The following SPIRE2 variants were observed in gnomAD, a reference collection of about 807,000 sequenced individuals.
SPIRE2 encodes the protein spire type actin nucleation factor 2.
In SPIRE2, 76 loss-of-function variants were observed where a neutral mutation model predicts 80.7. That is an observed-to-expected ratio of 0.94 (90% confidence interval 0.78 to 1.14). SPIRE2 has a LOEUF of 1.14. Ranked by LOEUF, SPIRE2 falls within the 50% of genes most tolerant of loss-of-function variation. The probability of loss-of-function intolerance (pLI) is 0.00; values close to 1 mark genes in which losing one functional copy is unlikely to be tolerated. For missense variants in SPIRE2, 1,196 were observed against 1,015.3 expected, an observed-to-expected ratio of 1.18 and a Z score of -2.42; for synonymous variants, 535 against 432.6, an observed-to-expected ratio of 1.24 and a Z score of -2.94.
intron 6 of SPIRE2, 71 bp downstream of exon 6, chr16:89,855,757 G>GT (rs1346728559): frequency 4.7e-6 from 7 of 1,480,918 alleles, no homozygotes; most frequent in Non-Finnish European, 3.7e-6. Flanking sequence ...AGCCTGGGAG[G>GT]TGTCCCAGCA....
intron 1 of SPIRE2, among the ~76,000 whole-genome samples, chr16:89,831,642 C>T (rs937500329): frequency 4.6e-5 from 7 of 151,078 alleles, no homozygotes; most frequent in African/African-American, 1.7e-4. Context: ...CATGATCCGC[C>T]CACCTCGGCC....
Position 89,863,565 on chromosome 16 carries a change from G to A in SPIRE2, c.1665G>A (p.Lys555=). 6.2e-7 allele frequency: 1 copy of A among 1,614,126 alleles called. No homozygotes were observed. Among genetic ancestry groups the A allele is most frequent in the Non-Finnish European group, 8.5e-7 (1 of 1,180,038 alleles). ...RRVLVKAEME[K]FLQNKELFSS... ...TGCTGGTGAAGGCCGAGATGGAAAA[G>A]TTTTTGCAGAACAAGGAGCTCTTCA... is the stretch of plus-strand genomic sequence containing the variant. Residue 555 remains lysine, a synonymous_variant, in exon 11 of 15, where the codon AAG becomes AAA. Transcript: ENST00000378247. The surrounding 1 kb of genome is among the most constrained non-coding windows in gnomAD (Gnocchi z 4.3).
At chr16:89,865,456 T>C (rs1310779665) in intron 12 of SPIRE2, among the ~76,000 whole-genome samples, 3 of 151,708 alleles carry the variant, frequency 2.0e-5, no homozygotes, top group African/African-American at 7.3e-5. Context: ...ACCACTAAAA[T>C]AAAACAGTTA....
intron 3 of SPIRE2, among the ~76,000 whole-genome samples, chr16:89,853,042 C>T (rs1333283497): frequency 1.3e-5 from 2 of 152,096 alleles, no homozygotes; most frequent in African/African-American, 4.8e-5. Context: ...TCCGTCCTCT[C>T]TCTCAGCTCC....
In SPIRE2 at chr16:89,828,590, G is replaced by A. The variant is rs571363661; in HGVS notation, c.40G>A (p.Ala14Thr). ...CAGCTGCGGCGGCGCCGCGGCGGGC[G>A]CAGGGCGGCCGGAGCCCTGGGAGCT... is the stretch of plus-strand genomic sequence containing the variant. ...AGSCGGAAAG[A>T]GRPEPWELSL... is the part of the protein sequence containing the mutation. The change falls in exon 1 of 15, where the codon GCA becomes ACA. Residue 14 changes from alanine to threonine, a missense_variant. Physicochemically the swap from Ala to Thr is moderately conservative, Grantham distance 58. Coordinates refer to ENST00000378247, the MANE Select transcript of SPIRE2 (RefSeq NM_032451.2). This position sits in a 1 kb window ranked among gnomAD's most constrained non-coding sequence, Gnocchi z 5.9. The A allele has an allele frequency of 2.5e-3, 2,988 of 1,196,630 alleles. 126 individuals carry two copies. The East Asian group carries it at 0.092, about 37-fold the overall frequency. The allele number at this position is 1,196,630 out of a possible 1,614,324, so 74.1% of individuals were successfully genotyped here.
intron 2 of SPIRE2, among the ~76,000 whole-genome samples, chr16:89,848,712 A>G (rs111602514): frequency 0.017 from 1,070 of 62,396 alleles, 2 homozygotes; most frequent in Middle Eastern, 0.045. Flanking sequence ...CAGTGTTTCT[A>G]CAGGACAGAC....
At chr16:89,832,797 C>T (rs2041399082) in intron 1 of SPIRE2, among the ~76,000 whole-genome samples, 1 of 151,970 alleles carries the variant, frequency 6.6e-6, no homozygotes, top group Non-Finnish European at 1.5e-5. Flanking sequence ...TTGTTTGCTC[C>T]TCTGATGAAG....
rs758728851 is a variant in SPIRE2 at position 89,869,550 on chromosome 16, C to T, written c.1807-17C>T. 2 of 1,558,290 alleles carry T rather than the reference C, an allele frequency of 1.3e-6. No homozygotes were observed. Among genetic ancestry groups the T allele is most frequent in the Non-Finnish European group, 1.8e-6 (2 of 1,129,770 alleles). On this transcript the variant is annotated splice_polypyrimidine_tract_variant and intron_variant, in intron 13 of 14. Transcript: ENST00000378247. The stretch of plus-strand genomic sequence containing the variant: ...TCTGGTGGTGCCTGGTTCATACCTC[C>T]TCCCTCTGTGCTGCAGATGAAGATG...
chr16:89,850,202 T>C (rs1426925069), intron 2 of SPIRE2, 102 bp from the exon 3 acceptor site: 2 of 931,342 alleles, frequency 2.1e-6, no homozygotes, highest in Non-Finnish European at 3.4e-6. Context: ...CGACAGCTGC[T>C]GTCTCCCTGG....
chr16:89,842,229 T>C (rs113830739), intron 1 of SPIRE2, among the ~76,000 whole-genome samples: 33 of 137,476 alleles, frequency 2.4e-4, no homozygotes, highest in African/African-American at 9.4e-4. Flanking sequence ...TTTTTTTTTT[T>C]TGTGACGGAG....
chr16:89,855,990 G>C, intron 6 of SPIRE2, 123 bp from the exon 7 acceptor site: 1 of 1,477,192 alleles, frequency 6.8e-7, no homozygotes, highest in Non-Finnish European at 9.0e-7. Flanking sequence ...AGGCTCTTCC[G>C]ACTCCAGAGT....
At chr16:89,855,507 C>A in intron 5 of SPIRE2, 93 bp from the exon 6 acceptor site, 1 of 1,144,374 alleles carries the variant, frequency 8.7e-7, no homozygotes, top group Non-Finnish European at 1.3e-6. Context: ...GGTGCGAAGA[C>A]CAGGCTGTCC....
chr16:89,863,860 A>G lies in SPIRE2; in HGVS notation c.1777A>G (p.Arg593Gly). 6.2e-7 allele frequency: 1 copy of G among 1,612,890 alleles called. No homozygotes were observed. The highest frequency in any genetic ancestry group is 8.5e-7 in the Non-Finnish European group (1 of 1,179,316). The change falls in exon 12 of 15, where the codon AGA becomes GGA. Residue 593 changes from arginine to glycine, a missense_variant and splice_region_variant. Physicochemically the swap from Arg to Gly is moderately radical, Grantham distance 125 (BLOSUM62 -2). Coordinates refer to ENST00000378247, the MANE Select transcript of SPIRE2 (RefSeq NM_032451.2). The surrounding 1 kb of genome is among the most constrained non-coding windows in gnomAD (Gnocchi z 4.3). ...GCCGCCCAGCTGTCTCTTCTGCAAGAGGTGAGCCTTCCCTTTAGCTGTCAG... is the reference window on the plus strand; with the variant it reads ...GCCGCCCAGCTGTCTCTTCTGCAAGGGGTGAGCCTTCCCTTTAGCTGTCAG... ...SWPPSCLFCK[R>G]AVCTSCSIKM...
chr16:89,861,745 C>T (rs1305682843), intron 10 of SPIRE2, among the ~76,000 whole-genome samples: 1 of 152,136 alleles, frequency 6.6e-6, no homozygotes, highest in Non-Finnish European at 1.5e-5. Flanking sequence ...CTGGAGGAGC[C>T]GTCTGAAGTG....
intron 1 of SPIRE2, among the ~76,000 whole-genome samples, chr16:89,835,622 G>A (rs947264673): frequency 1.3e-5 from 2 of 152,080 alleles, no homozygotes; most frequent in Non-Finnish European, 2.9e-5. Context: ...AGAAGGTTTC[G>A]GCTCTGATCA....
In SPIRE2 at chr16:89,859,150, C is replaced by T. The variant is rs772113875; in HGVS notation, c.1273-15C>T. On this transcript the variant is annotated splice_polypyrimidine_tract_variant and intron_variant, in intron 8 of 14. Coordinates refer to ENST00000378247, the MANE Select transcript of SPIRE2 (RefSeq NM_032451.2). ...GGGCATTGTCAGGGCAGGGCCGCGT[C>T]TGGTGTGTCCACAGGAAGAAGAGTC... 1 of 1,548,922 alleles carries T rather than the reference C, an allele frequency of 6.5e-7. No homozygotes were observed. The highest frequency in any genetic ancestry group is 8.8e-7 in the Non-Finnish European group (1 of 1,141,432).
rs772468359 is a variant in SPIRE2, at chr16:89,856,203, C to T, written c.1069C>T (p.Arg357Cys). 8 of 1,596,260 alleles carry T rather than the reference C, an allele frequency of 5.0e-6. No individual in the cohort carries two copies. The highest frequency in any genetic ancestry group is 1.1e-5 in the South Asian group (1 of 88,780). The change falls in exon 7 of 15, where the codon CGC becomes TGC. Residue 357 changes from arginine to cysteine, a missense_variant. Transcript: ENST00000378247. Reference sequence around the variant, plus strand: ...GGAGATCAAGCAGGAGCGGAGGCTGCGCCCGGTGCGGGGCGAGGGCTGGGC... The same window carrying T: ...GGAGATCAAGCAGGAGCGGAGGCTGTGCCCGGTGCGGGGCGAGGGCTGGGC... The part of the protein sequence containing the change: ...LEEIKQERRL[R>C]PVRGEGWAAR...
chr16:89,837,502 G>A (rs963784922), intron 1 of SPIRE2, among the ~76,000 whole-genome samples: 5 of 152,222 alleles, frequency 3.3e-5, no homozygotes, highest in Non-Finnish European at 5.9e-5. Context: ...AGGATCTGAC[G>A]CTGTCACCTC....
rs2041346048 is a variant in SPIRE2, at chr16:89,828,486, G to A, written c.-65G>A. On this transcript the variant is annotated 5_prime_UTR_variant, in exon 1 of 15. Coordinates refer to ENST00000378247, the MANE Select transcript of SPIRE2 (RefSeq NM_032451.2). This position sits in a 1 kb window ranked among gnomAD's most constrained non-coding sequence, Gnocchi z 5.9. ...GGGGCGGGGCGGCCAGGCTGACCCT[G>A]CGCGGCGGAAGGCGCGGCTGCATGG... 3.0e-6 allele frequency: 3 copies of A among 987,614 alleles called. No homozygotes were observed. Among genetic ancestry groups the A allele is most frequent in the Non-Finnish European group, 3.6e-6 (3 of 832,606 alleles). 61.2% of individuals were successfully genotyped at this position (987,614 alleles called of 1,614,324 possible).
Sources: allele counts gnomAD v4.1 joint callset (sites outside exome capture counted in the v4.1 genomes callset), GRCh38; gene constraint gnomAD v4.1.1; non-coding constraint Gnocchi (gnomAD v3.1); transcripts MANE v1.5; gene names NCBI Gene and HGNC (gene_info 2026-07-23, HGNC 2026-07-21).